Variants in EEF1E1 observed in about 807,000 individuals in gnomAD.
EEF1E1 encodes the protein eukaryotic translation elongation factor 1 epsilon 1, also known as eukaryotic translation elongation factor 1 epsilon-1.
Under a neutral mutation model 19.9 loss-of-function variants are expected in EEF1E1, and 19 were observed. That is an observed-to-expected ratio of 0.95 (90% CI 0.66 to 1.40). EEF1E1 has a LOEUF of 1.40. Among genes scored for constraint, EEF1E1 ranks in the 40% most tolerant of loss-of-function variants. The pLI, the probability that EEF1E1 is intolerant of heterozygous loss-of-function variation, is 0.00. For missense variants in EEF1E1, 198 were observed against 202.2 expected (o/e 0.98, Z 0.13); for synonymous variants, 81 against 80.0 (o/e 1.01, Z -0.07).
At chr6:8,093,797 G>C (rs1233046756) in intron 2 of EEF1E1, among the ~76,000 whole-genome samples, 1 of 151,358 alleles carries the variant, frequency 6.6e-6, no homozygotes, top group Non-Finnish European at 1.5e-5. Flanking sequence ...AAAAAAAAAA[G>C]CAAATAATTT....
intron 1 of EEF1E1, among the ~76,000 whole-genome samples, chr6:8,101,242 AAAT>A (rs1758346823): frequency 1.3e-5 from 1 of 76,994 alleles, no homozygotes; most frequent in African/African-American, 5.8e-5. Context: ...AAAAAAAAAA[AAAT>A]ATATATATAT....
At chr6:8,087,836 C>T (rs1402832299) in intron 3 of EEF1E1, among the ~76,000 whole-genome samples, 1 of 152,188 alleles carries the variant, frequency 6.6e-6, no homozygotes, top group East Asian at 1.9e-4. Context: ...AGCTGGAAAT[C>T]AGGATCTGAT....
At chr6:8,078,650 T>C, downstream of EEF1E1, 2 of 1,250,882 alleles carry the variant, frequency 1.6e-6, no homozygotes, top group South Asian at 2.7e-5. Context: ...ACACCTGGCC[T>C]GTGAAGTCTC....
intron 1 of EEF1E1, among the ~76,000 whole-genome samples, chr6:8,099,607 C>T (rs988917631): frequency 2.6e-5 from 4 of 151,956 alleles, no homozygotes; most frequent in Non-Finnish European, 4.4e-5. Context: ...ATTAGCCGGG[C>T]GTGGTGGCAC....
At chr6:8,089,861 G>A (rs147629157) in intron 3 of EEF1E1, 1 of 293,310 alleles carries the variant, frequency 3.4e-6, no homozygotes, top group African/African-American at 2.1e-5. Flanking sequence ...CTGAAGAAGG[G>A]CAGAAGCATA....
intron 2 of EEF1E1, among the ~76,000 whole-genome samples, chr6:8,095,885 C>A (rs960297039): frequency 6.6e-6 from 1 of 152,198 alleles, no homozygotes; most frequent in African/African-American, 2.4e-5. Context: ...GTCTCACCCA[C>A]CAGTCTGAGT....
chr6:8,101,244 ATATATATATAT>A (rs1411330199), intron 1 of EEF1E1, among the ~76,000 whole-genome samples: 2,887 of 41,542 alleles, frequency 0.069, 642 homozygotes, highest in Admixed American at 0.18. Flanking sequence ...AAAAAAAAAA[ATATATATATAT>A]ATATATATAT....
At chr6:8,090,905 A>G (rs1395634573) in intron 2 of EEF1E1, among the ~76,000 whole-genome samples, 4 of 152,146 alleles carry the variant, frequency 2.6e-5, no homozygotes, top group African/African-American at 9.7e-5. Context: ...ATTCCACTGT[A>G]TGTACAGATC....
chr6:8,097,052 G>C (rs529262727), intron 2 of EEF1E1, among the ~76,000 whole-genome samples: 12 of 152,360 alleles, frequency 7.9e-5, no homozygotes, highest in Admixed American at 2.6e-4. Context: ...CCAGCTGAGA[G>C]AGAAGTAGTC....
intron 1 of EEF1E1, chr6:8,101,922 G>A: frequency 8.1e-7 from 1 of 1,236,182 alleles, no homozygotes; most frequent in South Asian, 1.3e-5. Context: ...CAATTTAAAT[G>A]GTTGCAATGT....
At chr6:8,093,033 G>A (rs1228514085) in intron 2 of EEF1E1, among the ~76,000 whole-genome samples, 1 of 151,664 alleles carries the variant, frequency 6.6e-6, no homozygotes, top group Non-Finnish European at 1.5e-5. Flanking sequence ...CAACATGACT[G>A]GCTAATTTTT....
chr6:8,083,748 GAACA>G (rs1185276222), intron 3 of EEF1E1, among the ~76,000 whole-genome samples: 2 of 152,168 alleles, frequency 1.3e-5, no homozygotes, highest in Non-Finnish European at 2.9e-5. Context: ...TGAATAACGT[GAACA>G]AACAAATTAA....
chr6:8,099,783 C>A lies in EEF1E1; in HGVS notation c.88-2316G>T, dbSNP rs1436847170. 1.8e-3 allele frequency among the ~76,000 whole-genome samples: 176 copies of A among 98,254 alleles called. 5 individuals carry two copies. Among genetic ancestry groups the A allele is most frequent in the East Asian group, 7.6e-3 (28 of 3,696 alleles). The allele number at this position is 98,254 out of a possible 152,430, so 64.5% of individuals were successfully genotyped here. On this transcript the variant is annotated intron_variant, in intron 1 of 3. Transcript: ENST00000379715. The stretch of plus-strand genomic sequence containing the variant: ...ACACACACACACACACACACACACA[C>A]ACACACACAAAAAAAAAACAGAACC...
intron 3 of EEF1E1, among the ~76,000 whole-genome samples, chr6:8,074,332 T>TA (rs1367140626): frequency 4.6e-5 from 7 of 152,172 alleles, no homozygotes; most frequent in African/African-American, 7.2e-5. Context: ...AATTTACACT[T>TA]ATACTTTTCT....
At chr6:8,078,647 G>A (rs891608735), downstream of EEF1E1, 1 of 1,261,772 alleles carries the variant, frequency 7.9e-7, no homozygotes, top group Non-Finnish European at 1.0e-6. Context: ...CACACACCTG[G>A]CCTGTGAAGT....
chr6:8,101,243 AATATATATATATATATATAT>A lies in EEF1E1; in HGVS notation c.87+1172_87+1191del, dbSNP rs1216617377. Among the ~76,000 whole-genome samples, 2 of 58,470 alleles carry A rather than the reference AATATATATATATATATATAT, an allele frequency of 3.4e-5. 1 individual carries two copies. The highest frequency in any genetic ancestry group is 5.8e-5 in the Non-Finnish European group (2 of 34,406). 38.4% of individuals were successfully genotyped at this position (58,470 alleles called of 152,430 possible). A position where few individuals can be genotyped will look rare whatever the true frequency, so the allele number is the denominator to read the frequency against. On this transcript the variant is annotated intron_variant, in intron 1 of 3. Transcript: ENST00000379715. ...TTTGTCTCAAAAAAAAAAAAAAAAAAATATATATATATATATATATATATATATATATATATATATGGCAC... is the reference window on the plus strand; with the variant it reads ...TTTGTCTCAAAAAAAAAAAAAAAAAAATATATATATATATATATATGGCAC...
rs1320645479 is a variant in EEF1E1 at position 8,102,547 on chromosome 6, G to A, written c.-26C>T. ...CTTCCGGCCGTAGCTCCTGGCAGACGCGAGACCTGCAGAACAAGAACCTCC... is the reference window on the plus strand; with the variant it reads ...CTTCCGGCCGTAGCTCCTGGCAGACACGAGACCTGCAGAACAAGAACCTCC... On this transcript the variant is annotated 5_prime_UTR_variant, in exon 1 of 4. Transcript: ENST00000379715. 2.5e-6 allele frequency: 4 copies of A among 1,604,718 alleles called. No individual in the cohort carries two copies. In the African/African-American group the frequency reaches 5.3e-5, roughly 21 times the overall value.
chr6:8,096,463 C>T (rs1758177148), intron 2 of EEF1E1, among the ~76,000 whole-genome samples: 1 of 152,152 alleles, frequency 6.6e-6, no homozygotes, highest in South Asian at 2.1e-4. Flanking sequence ...CTCTTGATGG[C>T]ATCTATCAAG....
At chr6:8,092,372 CATG>C (rs1285008235) in intron 2 of EEF1E1, among the ~76,000 whole-genome samples, 3 of 152,192 alleles carry the variant, frequency 2.0e-5, no homozygotes, top group Non-Finnish European at 4.4e-5. Context: ...ACAAAGTTAA[CATG>C]ATACATACTC....
Sources: gnomAD v4.1 joint callset for allele counts (sites outside exome capture counted in the v4.1 genomes callset) on GRCh38, gnomAD v4.1.1 for gene constraint, MANE v1.5 for transcripts, NCBI Gene and HGNC (gene_info 2026-07-23, HGNC 2026-07-21) for gene names.